The following LRP1B variants were observed in gnomAD, a reference collection of about 807,000 sequenced individuals.
LRP1B encodes the protein LDL receptor related protein 1B.
A neutral mutation model predicts 556.6 loss-of-function variants in LRP1B; 217 were observed. The ratio of observed to expected loss-of-function variants is 0.39; its 90% CI spans 0.35 to 0.44. LRP1B has a LOEUF of 0.44. Ranked by LOEUF, LRP1B falls within the 20% of genes least tolerant of loss-of-function variation. LRP1B has a pLI of 1.00. For missense variants in LRP1B, 5,053 were observed against 5,620.8 expected (o/e 0.90, Z 3.23); for synonymous variants, 2,047 against 1,865.8 (o/e 1.10, Z -2.50).
At chr2:141,041,056 T>C (rs1198175722) in intron 11 of LRP1B, among the ~76,000 whole-genome samples, 1 of 152,018 alleles carries the variant, frequency 6.6e-6, no homozygotes, top group Non-Finnish European at 1.5e-5. Context: ...AAGACCTCGG[T>C]TTTCCAGGTA....
At chr2:140,428,168 A>G (rs1477810648) in intron 66 of LRP1B, among the ~76,000 whole-genome samples, 2 of 152,174 alleles carry the variant, frequency 1.3e-5, no homozygotes, top group African/African-American at 4.8e-5. Context: ...CAATCCCAAC[A>G]TTAAATAAAA....
intron 3 of LRP1B, among the ~76,000 whole-genome samples, chr2:141,446,794 T>C (rs1023090959): frequency 3.3e-5 from 5 of 152,206 alleles, no homozygotes; most frequent in African/African-American, 1.2e-4. Context: ...CTTAGTCTGA[T>C]GGGATTTCCT....
chr2:140,906,390 G>C (rs1009184766), intron 22 of LRP1B, among the ~76,000 whole-genome samples: 1 of 152,172 alleles, frequency 6.6e-6, no homozygotes, highest in South Asian at 2.1e-4. Flanking sequence ...GGAAAATGAG[G>C]TTGTTTTTTC....
At chr2:141,104,732 T>C (rs1018113000) in intron 7 of LRP1B, among the ~76,000 whole-genome samples, 2 of 152,232 alleles carry the variant, frequency 1.3e-5, no homozygotes, top group East Asian at 1.9e-4. Context: ...AATAATCAGC[T>C]GAAATTAAGT....
At chr2:141,969,181 G>C (rs563836182) in intron 1 of LRP1B, among the ~76,000 whole-genome samples, 1 of 150,370 alleles carries the variant, frequency 6.7e-6, no homozygotes. Flanking sequence ...GTGATATTAT[G>C]ATTCATGCAT....
chr2:140,568,434 C>A (rs1681206764), intron 43 of LRP1B, among the ~76,000 whole-genome samples: 1 of 151,292 alleles, frequency 6.6e-6, no homozygotes. Flanking sequence ...ATTATTCTGT[C>A]AGAGAAAGAA....
intron 43 of LRP1B, among the ~76,000 whole-genome samples, chr2:140,562,446 T>C (rs1237297257): frequency 6.6e-6 from 1 of 152,136 alleles, no homozygotes; most frequent in Non-Finnish European, 1.5e-5. Flanking sequence ...GAGATTTGAT[T>C]CACAATTATC....
intron 1 of LRP1B, among the ~76,000 whole-genome samples, chr2:142,028,074 T>A (rs554295421): frequency 6.6e-6 from 1 of 152,128 alleles, no homozygotes; most frequent in Admixed American, 6.6e-5. Flanking sequence ...ACTACATAAT[T>A]ATTTACTAAG....
At chr2:140,395,921 G>T (rs1232704537) in intron 66 of LRP1B, among the ~76,000 whole-genome samples, 2 of 151,382 alleles carry the variant, frequency 1.3e-5, no homozygotes, top group Non-Finnish European at 3.0e-5. Context: ...GTAACTTTAT[G>T]GTTATGAAGT....
chr2:141,183,288 C>A (rs1189687647), intron 7 of LRP1B, among the ~76,000 whole-genome samples: 2 of 152,032 alleles, frequency 1.3e-5, no homozygotes, highest in Non-Finnish European at 2.9e-5. Context: ...CATTACAAAA[C>A]CTTTTACGTG....
chr2:140,270,620 ATACTC>A (rs1186230493), intron 85 of LRP1B, among the ~76,000 whole-genome samples: 3 of 152,066 alleles, frequency 2.0e-5, no homozygotes, highest in Admixed American at 1.3e-4. Context: ...GTGAAAAAAT[ATACTC>A]TAATATCTAT....
At chr2:140,766,836 TATATATA>T (rs1559106258) in intron 35 of LRP1B, among the ~76,000 whole-genome samples, 3 of 20,078 alleles carry the variant, frequency 1.5e-4, no homozygotes, top group African/African-American at 2.8e-4. Context: ...TATATATATA[TATATATA>T]TTATATATAT....
chr2:141,700,851 T>G (rs1691917221), intron 2 of LRP1B, among the ~76,000 whole-genome samples: 1 of 151,838 alleles, frequency 6.6e-6, no homozygotes, highest in African/African-American at 2.4e-5. Context: ...GAAAAAACAT[T>G]CTGATAAGGT....
At chr2:141,569,334 A>AT (rs1686448417) in intron 2 of LRP1B, among the ~76,000 whole-genome samples, 1 of 151,072 alleles carries the variant, frequency 6.6e-6, no homozygotes, top group African/African-American at 2.4e-5. Context: ...CCCTAGAAAT[A>AT]TAAAAAAAAG....
intron 1 of LRP1B, among the ~76,000 whole-genome samples, chr2:142,096,647 T>C (rs1559068942): frequency 6.6e-6 from 1 of 151,706 alleles, no homozygotes; most frequent in African/African-American, 2.4e-5. Context: ...CATAAGTTTG[T>C]CAGCTCTACA....
intron 1 of LRP1B, among the ~76,000 whole-genome samples, chr2:142,027,385 T>C (rs1703544193): frequency 1.3e-5 from 2 of 151,764 alleles, no homozygotes; most frequent in Admixed American, 1.3e-4. Context: ...TTTAAAAATC[T>C]TTCCACTATA....
At chr2:141,611,827 G>T (rs189706779) in intron 2 of LRP1B, among the ~76,000 whole-genome samples, 26 of 152,308 alleles carry the variant, frequency 1.7e-4, no homozygotes, top group Admixed American at 1.0e-3. Context: ...AAATGAAAAG[G>T]TCTGATAAGC....
chr2:141,418,673 C>T lies in LRP1B; in HGVS notation c.343+61723G>A, dbSNP rs182772412. ...GTTTTAAAAAGAGGAAATGAAAGTA[C>T]TCCATCTTTGTCCATCTTCCCCAAG... is the stretch of plus-strand genomic sequence containing the variant. On this transcript the variant is annotated intron_variant, in intron 3 of 90. Transcript: ENST00000389484. Among the ~76,000 whole-genome samples the T allele has an allele frequency of 1.7e-4, 26 of 152,186 alleles. No homozygotes were observed. The East Asian group carries it at 5.0e-3, about 29-fold the overall frequency.
chr2:141,201,647 TTTAA>T (rs1404249696), intron 6 of LRP1B, among the ~76,000 whole-genome samples: 1 of 152,188 alleles, frequency 6.6e-6, no homozygotes, highest in Non-Finnish European at 1.5e-5. Flanking sequence ...ATTGTACTTT[TTTAA>T]TTATTCATTT....
Sources: allele counts gnomAD v4.1 joint callset (sites outside exome capture counted in the v4.1 genomes callset), GRCh38; gene constraint gnomAD v4.1.1; transcripts MANE v1.5; gene names NCBI Gene and HGNC (gene_info 2026-07-23, HGNC 2026-07-21).